The following FAM20B variants were observed in gnomAD, a reference collection of about 807,000 sequenced individuals.
The protein encoded by FAM20B is glycosaminoglycan xylosylkinase.
A neutral mutation model predicts 43.8 loss-of-function variants in FAM20B; 23 were observed. That is an observed-to-expected ratio of 0.53 (90% confidence interval 0.38 to 0.74). FAM20B has a LOEUF of 0.74. FAM20B is among the 30% of genes least tolerant of loss of function. The probability of loss-of-function intolerance (pLI) is 0.00; values close to 1 mark genes in which losing one functional copy is unlikely to be tolerated. For missense variants in FAM20B, 440 were observed against 510.5 expected (o/e 0.86, Z 1.33); for synonymous variants, 178 against 192.4 (o/e 0.93, Z 0.62).
At chr1:179,054,909 T>C (rs962465230) in intron 4 of FAM20B, among the ~76,000 whole-genome samples, 4 of 152,230 alleles carry the variant, frequency 2.6e-5, no homozygotes, top group Admixed American at 1.3e-4. Context: ...TTCCTTCTGC[T>C]TTCTCTTAGA....
At chr1:179,040,511 G>A (rs376527835) in intron 1 of FAM20B, among the ~76,000 whole-genome samples, 2,652 of 132,766 alleles carry the variant, frequency 0.02, 91 homozygotes, top group African/African-American at 0.039. Context: ...CCTCCCTCCC[G>A]GACGGGGCGG....
intron 1 of FAM20B, among the ~76,000 whole-genome samples, chr1:179,035,018 T>G (rs1211099574): frequency 6.6e-6 from 1 of 152,248 alleles, no homozygotes; most frequent in Non-Finnish European, 1.5e-5. Flanking sequence ...TATTGTGAGC[T>G]TGTCACTTAA....
At position 179,056,896 on chromosome 1, in the gene FAM20B, A is replaced by G. The variant is rs370803874; in HGVS notation, c.574+2258A>G. On this transcript the variant is annotated intron_variant, in intron 4 of 7. Coordinates refer to ENST00000263733, the MANE Select transcript of FAM20B (RefSeq NM_014864.4). ...ATGACATATAATGTACAGCATCTTT[A>G]CATATGTTTTTCTGTCATCTGTATA... Among the ~76,000 whole-genome samples the G allele has an allele frequency of 7.2e-5, 11 of 152,266 alleles. No individual in the cohort carries two copies. The East Asian group carries it at 2.1e-3, about 29-fold the overall frequency.
chr1:179,050,800 A>G (rs1020215167), intron 3 of FAM20B, among the ~76,000 whole-genome samples: 5 of 152,214 alleles, frequency 3.3e-5, no homozygotes, highest in Non-Finnish European at 7.3e-5. Flanking sequence ...TATACAAACT[A>G]TGCACAGCTT....
intron 1 of FAM20B, among the ~76,000 whole-genome samples, chr1:179,031,035 T>C (rs1434889255): frequency 6.6e-6 from 1 of 152,190 alleles, no homozygotes; most frequent in African/African-American, 2.4e-5. Flanking sequence ...GGCTGTCAGC[T>C]TGACGTACCA....
At chr1:179,046,629 GCAA>G (rs1352965738) in intron 2 of FAM20B, among the ~76,000 whole-genome samples, 1 of 152,114 alleles carries the variant, frequency 6.6e-6, no homozygotes, top group Non-Finnish European at 1.5e-5. Context: ...TGCAGCCTGG[GCAA>G]CAAGAGCAAA....
At chr1:179,057,530 A>G (rs554673023) in intron 4 of FAM20B, among the ~76,000 whole-genome samples, 2 of 152,282 alleles carry the variant, frequency 1.3e-5, no homozygotes, top group African/African-American at 4.8e-5. Context: ...ATAGCATGCA[A>G]TAAGTAGGTG....
intron 3 of FAM20B, among the ~76,000 whole-genome samples, chr1:179,052,956 ATATTTCATTGT>A (rs1219943937): frequency 2.6e-5 from 4 of 152,200 alleles, no homozygotes; most frequent in South Asian, 2.1e-4. Context: ...ATGTAAAGTG[ATATTTCATTGT>A]TATTTCATTG....
At chr1:179,066,746 T>C in intron 6 of FAM20B, 54 bp from the exon 7 acceptor site, 1 of 1,224,404 alleles carries the variant, frequency 8.2e-7, no homozygotes, top group Non-Finnish European at 1.2e-6. Flanking sequence ...GCTTTGATGC[T>C]AAGAAGAGAA....
chr1:179,040,321 G>A (rs1021765346), intron 1 of FAM20B, among the ~76,000 whole-genome samples: 11 of 151,726 alleles, frequency 7.2e-5, no homozygotes, highest in Admixed American at 4.6e-4. Context: ...GGGCAGAGGC[G>A]CCCCTCACCT....
At chr1:179,068,433 A>G (rs1045647802) in intron 7 of FAM20B, among the ~76,000 whole-genome samples, 1 of 151,862 alleles carries the variant, frequency 6.6e-6, no homozygotes, top group African/African-American at 2.4e-5. Context: ...GGTGTTTAAT[A>G]TAAAGAATTT....
chr1:179,067,570 C>T (rs960791327), intron 7 of FAM20B, among the ~76,000 whole-genome samples: 1 of 152,100 alleles, frequency 6.6e-6, no homozygotes, highest in Admixed American at 6.6e-5. Flanking sequence ...TGCCATTGCA[C>T]TCCATTCTGG....
chr1:179,026,756 C>T (rs992367925), intron 1 of FAM20B, among the ~76,000 whole-genome samples: 1 of 152,232 alleles, frequency 6.6e-6, no homozygotes, highest in Non-Finnish European at 1.5e-5. Flanking sequence ...GGTGTGACGG[C>T]CCCGCGATTA....
At chr1:179,066,718 C>A in intron 6 of FAM20B, 82 bp from the exon 7 acceptor site, 1 of 914,560 alleles carries the variant, frequency 1.1e-6, no homozygotes, top group Non-Finnish European at 1.8e-6. Flanking sequence ...ATTTGAGTTT[C>A]ATATAGAATT....
At chr1:179,028,597 C>CA (rs1282669857) in intron 1 of FAM20B, among the ~76,000 whole-genome samples, 1 of 145,626 alleles carries the variant, frequency 6.9e-6, no homozygotes, top group Non-Finnish European at 1.6e-5. Context: ...AACAAACAAA[C>CA]AACAACAACA....
At position 179,060,103 on chromosome 1, in the gene FAM20B, T is replaced by A. The variant is rs968276616; in HGVS notation, c.575-3824T>A. Among the ~76,000 whole-genome samples the A allele has an allele frequency of 6.8e-5, 10 of 146,814 alleles. No individual in the cohort carries two copies. The East Asian group carries it at 7.9e-4, about 12-fold the overall frequency. On this transcript the variant is annotated intron_variant, in intron 4 of 7. Transcript: ENST00000263733. Reference sequence around the variant, plus strand: ...CTTTTTGTATGAAATATATATATATTTTTTTATTTATCTCTACCATTTTAT... The same window carrying A: ...CTTTTTGTATGAAATATATATATATATTTTTATTTATCTCTACCATTTTAT...
intron 1 of FAM20B, among the ~76,000 whole-genome samples, chr1:179,040,147 C>G (rs866282252): frequency 1.3e-5 from 2 of 152,234 alleles, no homozygotes; most frequent in African/African-American, 2.4e-5. Context: ...TACACAGACA[C>G]GGCAACCATC....
chr1:179,021,076 G>GA (rs201724460), upstream of FAM20B, among the ~76,000 whole-genome samples: 2,105 of 151,772 alleles, frequency 0.014, 60 homozygotes, highest in African/African-American at 0.048. Context: ...GTCTCAAAAA[G>GA]AAAAAAAAGC....
intron 1 of FAM20B, among the ~76,000 whole-genome samples, chr1:179,028,542 A>G (rs1649883691): frequency 1.3e-5 from 2 of 152,342 alleles, no homozygotes; most frequent in East Asian, 3.9e-4. Context: ...AGATTGCACC[A>G]CTGCACTCCA....
Sources: allele counts gnomAD v4.1 joint callset (sites outside exome capture counted in the v4.1 genomes callset), GRCh38; gene constraint gnomAD v4.1.1; transcripts MANE v1.5; gene names NCBI Gene and HGNC (gene_info 2026-07-23, HGNC 2026-07-21).